TMEM123: variants seen among roughly 807,000 people sequenced by gnomAD.
TMEM123 encodes the protein transmembrane protein 123.
Under a neutral mutation model 19.7 loss-of-function variants are expected in TMEM123, and 16 were observed. That is an observed-to-expected ratio of 0.81 (90% CI 0.55 to 1.23). The LOEUF (loss-of-function observed/expected upper bound fraction) is 1.23, where lower values mean the gene tolerates loss of function less well. Among genes scored for constraint, TMEM123 ranks in the 50% most tolerant of loss-of-function variants. TMEM123 has a pLI of 0.00. For missense variants in TMEM123, 313 were observed against 257.8 expected, an observed-to-expected ratio of 1.21 and a Z score of -1.47; for synonymous variants, 118 against 99.4, an observed-to-expected ratio of 1.19 and a Z score of -1.12.
chr11:102,452,552 C>G lies in TMEM123; in HGVS notation c.72G>C (p.Gly24=). Residue 24 remains glycine (G), a synonymous_variant, in exon 1 of 5, where the codon GGG becomes GGC. Coordinates refer to ENST00000398136, the MANE Select transcript of TMEM123 (RefSeq NM_052932.3). ...CCATGGCTGCGCTTTCATGGGCGGCCCCCAGCAGCGCTAGCACCTGCAGCG... is the reference window on the plus strand; with the variant it reads ...CCATGGCTGCGCTTTCATGGGCGGCGCCCAGCAGCGCTAGCACCTGCAGCG... ...LGTLQVLALL[G]AAHESAAMAA... The G allele has an allele frequency of 6.4e-7, 1 of 1,567,632 alleles. No homozygotes were observed. Among genetic ancestry groups the G allele is most frequent in the Non-Finnish European group, 8.6e-7 (1 of 1,161,300 alleles).
At chr11:102,432,617 G>T (rs1857723480) in intron 2 of TMEM123, among the ~76,000 whole-genome samples, 1 of 152,236 alleles carries the variant, frequency 6.6e-6, no homozygotes, top group African/African-American at 2.4e-5. Context: ...ATTCAAGCCG[G>T]CTGCAGGAAT....
In TMEM123 at chr11:102,452,317, A is replaced by C. The variant is rs527784902; in HGVS notation, c.100+207T>G. The C allele has an allele frequency of 2.6e-4, 105 of 406,322 alleles. No individual in the cohort carries two copies. The East Asian group carries it at 2.9e-3, about 11-fold the overall frequency. 25.2% of individuals were successfully genotyped at this position (406,322 alleles called of 1,614,324 possible). On this transcript the variant is annotated intron_variant, in intron 1 of 4. Transcript: ENST00000398136. ...AAAAGCGAGAGGGGAAGCACCAGGCAATTTCCTCAGCAGGCGGCCCCGGGG... is the reference window on the plus strand; with the variant it reads ...AAAAGCGAGAGGGGAAGCACCAGGCCATTTCCTCAGCAGGCGGCCCCGGGG...
rs563321206 is a variant in TMEM123, at chr11:102,421,647, A to G, written c.158-19441T>C. 3.3e-5 allele frequency among the ~76,000 whole-genome samples: 5 copies of G among 152,312 alleles called. No homozygotes were observed. In the East Asian group the frequency reaches 7.7e-4, roughly 23 times the overall value. On this transcript the variant is annotated intron_variant, in intron 2 of 4. Transcript: ENST00000398136. ...AAGGCACTAGAAAATTTAATATTTA[A>G]TACTGAACATGTTTTCTTGCAAGAC...
At chr11:102,437,990 A>C (rs1216472055) in intron 2 of TMEM123, among the ~76,000 whole-genome samples, 2 of 152,040 alleles carry the variant, frequency 1.3e-5, no homozygotes, top group Non-Finnish European at 2.9e-5. Context: ...AGCCCTTCCT[A>C]GTCACTTTTT....
chr11:102,439,280 G>A (rs1313321612), intron 2 of TMEM123, among the ~76,000 whole-genome samples: 1 of 152,040 alleles, frequency 6.6e-6, no homozygotes, highest in Non-Finnish European at 1.5e-5. Context: ...ATCTGAGAAC[G>A]GACAGACTGC....
At chr11:102,431,704 AAC>A (rs1482389819) in intron 2 of TMEM123, among the ~76,000 whole-genome samples, 1 of 151,882 alleles carries the variant, frequency 6.6e-6, no homozygotes, top group Non-Finnish European at 1.5e-5. Context: ...TCTGCTGATA[AAC>A]AGTTAGGTTG....
chr11:102,451,883 G>C (rs1239656197), intron 1 of TMEM123, among the ~76,000 whole-genome samples: 1 of 152,230 alleles, frequency 6.6e-6, no homozygotes, highest in African/African-American at 2.4e-5. Flanking sequence ...CCTCGGCCGG[G>C]TGTTTATGGC....
At position 102,397,413 on chromosome 11, in the gene TMEM123, A is replaced by C. The variant is rs539032282; in HGVS notation, c.*1454T>G. Reference sequence around the variant, plus strand: ...CCCTCTGAGATAGAAATGCCATCTTAGTATTTACTGTGACTACATACCTCT... The same window carrying C: ...CCCTCTGAGATAGAAATGCCATCTTCGTATTTACTGTGACTACATACCTCT... On this transcript the variant is annotated 3_prime_UTR_variant, in exon 5 of 5. Transcript: ENST00000398136. 1 of 152,314 alleles carries C rather than the reference A, an allele frequency of 6.6e-6. No individual in the cohort carries two copies. Among genetic ancestry groups the C allele is most frequent in the South Asian group, 2.1e-4 (1 of 4,830 alleles). The allele number at this position is 152,314 out of a possible 1,614,324, so 9.4% of individuals were successfully genotyped here.
At chr11:102,415,385 C>T (rs899186983) in intron 2 of TMEM123, among the ~76,000 whole-genome samples, 3 of 152,300 alleles carry the variant, frequency 2.0e-5, no homozygotes, top group Non-Finnish European at 4.4e-5. Context: ...ATACATTCTC[C>T]TCATCTGCAC....
chr11:102,419,434 CAGA>C (rs1258095028), intron 2 of TMEM123, among the ~76,000 whole-genome samples: 1 of 152,134 alleles, frequency 6.6e-6, no homozygotes, highest in East Asian at 1.9e-4. Flanking sequence ...CACAAACCTC[CAGA>C]AGGAGTTTTA....
At chr11:102,422,366 C>T (rs528900311) in intron 2 of TMEM123, among the ~76,000 whole-genome samples, 12 of 151,990 alleles carry the variant, frequency 7.9e-5, no homozygotes, top group African/African-American at 2.7e-4. Flanking sequence ...CCCAGTTACT[C>T]GGGAGGCTGA....
chr11:102,452,604 C>A lies in TMEM123; in HGVS notation c.20G>T (p.Gly7Val), dbSNP rs372738238. Reference sequence around the variant, plus strand: ...CCCCAGGAGCAGCGCGGCCCAAGCACCTCGCGCGCCGAGTCCCATTGTTCC... The same window carrying A: ...CCCCAGGAGCAGCGCGGCCCAAGCAACTCGCGCGCCGAGTCCCATTGTTCC... MGLGARGAWAALLLGTL... is the reference protein window; with the variant it reads MGLGARVAWAALLLGTL... Residue 7 changes from glycine (G) to valine (V), a missense_variant, in exon 1 of 5, where the codon GGT (glycine) becomes GTT (valine). Physicochemically the swap from Gly to Val is moderately radical, Grantham distance 109. Coordinates refer to ENST00000398136, the MANE Select transcript of TMEM123 (RefSeq NM_052932.3). The A allele has an allele frequency of 2.6e-6, 4 of 1,559,510 alleles. No individual in the cohort carries two copies. Among genetic ancestry groups the A allele is most frequent in the Non-Finnish European group, 3.5e-6 (4 of 1,155,958 alleles).
rs1199631899 is a variant in TMEM123, at chr11:102,398,603, A to T, written c.*264T>A. The T allele has an allele frequency of 6.0e-6, 3 of 497,934 alleles. No individual in the cohort carries two copies. Among genetic ancestry groups the T allele is most frequent in the Non-Finnish European group, 1.0e-5 (3 of 289,464 alleles). 30.8% of individuals were successfully genotyped at this position (497,934 alleles called of 1,614,324 possible). ...CAATGCCCCCACCCCAGCCAAAAAA[A>T]AAAAGATAGGACTTGTTTGTCTTAC... On this transcript the variant is annotated 3_prime_UTR_variant, in exon 5 of 5. Transcript: ENST00000398136.
rs993710748 is a variant in TMEM123 at position 102,432,109 on chromosome 11, A to G, written c.157+16703T>C. On this transcript the variant is annotated intron_variant, in intron 2 of 4. Coordinates refer to ENST00000398136, the MANE Select transcript of TMEM123 (RefSeq NM_052932.3). ...ACATTGGTACTGGGAGTGGGGTGCT[A>G]CTCTAAGGATAGCTGAAAATGTGGA... Among the ~76,000 whole-genome samples, 30 of 152,148 alleles carry G rather than the reference A, an allele frequency of 2.0e-4. 1 individual carries two copies. Among genetic ancestry groups the G allele is most frequent in the Non-Finnish European group, 4.0e-4 (27 of 68,024 alleles).
intron 2 of TMEM123, among the ~76,000 whole-genome samples, chr11:102,441,370 G>C (rs1188151868): frequency 6.6e-6 from 1 of 152,166 alleles, no homozygotes; most frequent in African/African-American, 2.4e-5. Context: ...AATCAAACTA[G>C]AACTTAGGAT....
intron 2 of TMEM123, among the ~76,000 whole-genome samples, chr11:102,402,472 CAG>C (rs1349847293): frequency 1.3e-5 from 2 of 150,976 alleles, no homozygotes; most frequent in East Asian, 1.9e-4. Context: ...ACCCAGAAGA[CAG>C]AGTTCCCTCA....
At chr11:102,404,438 G>A (rs992348286) in intron 2 of TMEM123, among the ~76,000 whole-genome samples, 10 of 150,668 alleles carry the variant, frequency 6.6e-5, no homozygotes, top group African/African-American at 2.0e-4. Context: ...CACATGCCAC[G>A]ACGCCTGGCT....
rs1951860686 is a variant in TMEM123, at chr11:102,396,896, A to AACTT, written c.*1967_*1970dup. ...CTAAAGAAACAAGTATTCAAAAAGAAACTTCAGGTCGGTCTACGAAGTTCT... is the reference window on the plus strand; with the variant it reads ...CTAAAGAAACAAGTATTCAAAAAGAAACTTACTTCAGGTCGGTCTACGAAGTTCT... On this transcript the variant is annotated 3_prime_UTR_variant, in exon 5 of 5. Coordinates refer to ENST00000398136, the MANE Select transcript of TMEM123 (RefSeq NM_052932.3). 1.3e-5 allele frequency: 2 copies of AACTT among 152,260 alleles called. No individual in the cohort carries two copies. Among genetic ancestry groups the AACTT allele is most frequent in the Non-Finnish European group, 2.9e-5 (2 of 68,036 alleles). 9.4% of individuals were successfully genotyped at this position (152,260 alleles called of 1,614,324 possible).
At chr11:102,438,849 C>T (rs920758615) in intron 2 of TMEM123, among the ~76,000 whole-genome samples, 10 of 152,292 alleles carry the variant, frequency 6.6e-5, no homozygotes, top group Admixed American at 1.3e-4. Flanking sequence ...AAAGGGAAGC[C>T]GTGACAGACA....
Sources: gnomAD v4.1 joint callset for allele counts (sites outside exome capture counted in the v4.1 genomes callset) on GRCh38, gnomAD v4.1.1 for gene constraint, MANE v1.5 for transcripts, NCBI Gene and HGNC (gene_info 2026-07-23, HGNC 2026-07-21) for gene names.